Variants in PRIM2 observed in about 807,000 individuals in gnomAD.
PRIM2 encodes DNA primase subunit 2, also known as DNA primase large subunit.
A neutral mutation model predicts 67.3 loss-of-function variants in PRIM2; 39 were observed. That is an observed-to-expected ratio of 0.58 (90% CI 0.45 to 0.76). The LOEUF (loss-of-function observed/expected upper bound fraction) is 0.76. Ranked by LOEUF, PRIM2 falls within the 30% of genes least tolerant of loss-of-function variation. The pLI, the probability that PRIM2 is intolerant of heterozygous loss-of-function variation, is 0.00. For missense variants in PRIM2, 398 were observed against 598.7 expected (o/e 0.66, Z 3.50); for synonymous variants, 143 against 198.7 (o/e 0.72, Z 2.36).
At chr6:57,244,748 A>C in the PRIM2 span, among the ~76,000 whole-genome samples, 1 of 151,908 alleles carries the variant, frequency 6.6e-6, no homozygotes, top group African/African-American at 2.4e-5. Context: ...TCTCAAAAAA[A>C]AAAAAAATTG....
At chr6:57,420,475 C>T (rs1581889095) in intron 7 of PRIM2, among the ~76,000 whole-genome samples, 3 of 152,234 alleles carry the variant, frequency 2.0e-5, no homozygotes, top group African/African-American at 7.2e-5. Context: ...TGCACTCCAG[C>T]CTGGGTGACA....
the PRIM2 span, among the ~76,000 whole-genome samples, chr6:57,303,515 T>C: frequency 6.6e-6 from 1 of 152,192 alleles, no homozygotes; most frequent in African/African-American, 2.4e-5. Flanking sequence ...ATTTGGCACA[T>C]ACAGAGACAG....
intron 7 of PRIM2, among the ~76,000 whole-genome samples, chr6:57,402,669 A>G (rs1199632389): frequency 6.6e-6 from 1 of 152,218 alleles, no homozygotes; most frequent in Non-Finnish European, 1.5e-5. Flanking sequence ...TTTAATGTCT[A>G]TGAATAAGAA....
At chr6:57,550,309 G>T (rs1775375440) in intron 10 of PRIM2, among the ~76,000 whole-genome samples, 2 of 152,098 alleles carry the variant, frequency 1.3e-5, no homozygotes, top group Admixed American at 1.3e-4. Context: ...TTCTCTTGAT[G>T]CTTTCCATAG....
At chr6:57,478,828 G>A (rs1773545400) in intron 7 of PRIM2, among the ~76,000 whole-genome samples, 1 of 152,214 alleles carries the variant, frequency 6.6e-6, no homozygotes, top group East Asian at 1.9e-4. Flanking sequence ...AAAGATAATC[G>A]ATTAAACGAT....
At chr6:57,631,365 G>A (rs1209479443) in intron 12 of PRIM2, among the ~76,000 whole-genome samples, 4 of 152,004 alleles carry the variant, frequency 2.6e-5, no homozygotes, top group African/African-American at 9.7e-5. Flanking sequence ...TTTATTTGAG[G>A]GCTTGGGGGA....
At chr6:57,592,224 C>T (rs1420387920) in intron 10 of PRIM2, among the ~76,000 whole-genome samples, 2 of 152,142 alleles carry the variant, frequency 1.3e-5, no homozygotes, top group Non-Finnish European at 2.9e-5. Flanking sequence ...GTACTTTGTT[C>T]ACTACTTGGG....
At chr6:57,346,296 A>G (rs1581813403) in intron 5 of PRIM2, among the ~76,000 whole-genome samples, 2 of 152,210 alleles carry the variant, frequency 1.3e-5, no homozygotes, top group African/African-American at 4.8e-5. Flanking sequence ...GTGTTCTGAA[A>G]AAAGATACTG....
In PRIM2 at chr6:57,466,504, G is replaced by A. The variant is rs1773197022; in HGVS notation, c.694-40883G>A. On this transcript the variant is annotated intron_variant, in intron 7 of 13. Transcript: ENST00000615550. ...ATCTGTTGTTTCCTGACTTTTTAAGGATTGTCATTCTAACTGGTGTGAGAT... is the reference window on the plus strand; with the variant it reads ...ATCTGTTGTTTCCTGACTTTTTAAGAATTGTCATTCTAACTGGTGTGAGAT... 2.6e-5 allele frequency among the ~76,000 whole-genome samples: 4 copies of A among 152,208 alleles called. No homozygotes were observed. In the South Asian group the frequency reaches 8.3e-4, roughly 32 times the overall value.
At chr6:57,403,762 G>A (rs1458788644) in intron 7 of PRIM2, among the ~76,000 whole-genome samples, 3 of 152,142 alleles carry the variant, frequency 2.0e-5, no homozygotes, top group African/African-American at 7.2e-5. Context: ...GCATTTTAGA[G>A]TTTGTGTAGT....
At chr6:57,600,660 A>T (rs1776447235) in intron 10 of PRIM2, among the ~76,000 whole-genome samples, 1 of 152,074 alleles carries the variant, frequency 6.6e-6, no homozygotes, top group Non-Finnish European at 1.5e-5. Context: ...CTGGCCTAGG[A>T]TTAACTATTT....
chr6:57,613,703 C>T (rs1776704309), intron 12 of PRIM2, among the ~76,000 whole-genome samples: 1 of 152,162 alleles, frequency 6.6e-6, no homozygotes, highest in South Asian at 2.1e-4. Flanking sequence ...TTCCTTGAGC[C>T]CTACTTCCCA....
At chr6:57,607,749 A>G (rs1177804254) in intron 12 of PRIM2, among the ~76,000 whole-genome samples, 50 of 151,032 alleles carry the variant, frequency 3.3e-4, no homozygotes, top group African/African-American at 1.1e-3. Context: ...ATAAAGGATC[A>G]CCTTTTTGAA....
At chr6:57,596,757 GAAAAT>G (rs1776374870) in intron 10 of PRIM2, among the ~76,000 whole-genome samples, 1 of 149,730 alleles carries the variant, frequency 6.7e-6, no homozygotes, top group Non-Finnish European at 1.5e-5. Context: ...ATTTTTGAAA[GAAAAT>G]AAAATTTATT....
Position 57,646,173 on chromosome 6 carries a change from C to A in PRIM2, c.*15C>A, listed in dbSNP as rs1254542538. 1 of 1,546,540 alleles carries A rather than the reference C, an allele frequency of 6.5e-7. No homozygotes were observed. The highest frequency in any genetic ancestry group is 8.9e-7 in the Non-Finnish European group (1 of 1,121,352). On this transcript the variant is annotated 3_prime_UTR_variant, in exon 14 of 14. Transcript: ENST00000615550. ...AAGATTCTTAGGCAGTTTTATAACC[C>A]TTTTTCCTCAATAGCCTGTTTCCTG...
At chr6:57,457,613 G>A (rs1772847213) in intron 7 of PRIM2, among the ~76,000 whole-genome samples, 1 of 152,188 alleles carries the variant, frequency 6.6e-6, no homozygotes, top group Admixed American at 6.5e-5. Flanking sequence ...CTCTTGGTGT[G>A]CCATTTGCTA....
intron 7 of PRIM2, among the ~76,000 whole-genome samples, chr6:57,407,234 A>C (rs1450425517): frequency 1.3e-5 from 2 of 152,170 alleles, no homozygotes; most frequent in Admixed American, 1.3e-4. Context: ...GGCAACTATA[A>C]TCTCAAAGAA....
At chr6:57,365,303 A>G (rs778264414) in intron 5 of PRIM2, among the ~76,000 whole-genome samples, 95 of 150,872 alleles carry the variant, frequency 6.3e-4, no homozygotes, top group African/African-American at 1.1e-3. Flanking sequence ...TTTCCTTTCT[A>G]TCTTTCTTAA....
intron 7 of PRIM2, among the ~76,000 whole-genome samples, chr6:57,428,334 A>G (rs1273135722): frequency 1.3e-5 from 2 of 152,218 alleles, no homozygotes; most frequent in Non-Finnish European, 2.9e-5. Context: ...CTTGTTTCCA[A>G]AAGTAAATCA....
Sources: allele counts gnomAD v4.1 joint callset (sites outside exome capture counted in the v4.1 genomes callset), GRCh38; gene constraint gnomAD v4.1.1; transcripts MANE v1.5; gene names NCBI Gene and HGNC (gene_info 2026-07-23, HGNC 2026-07-21).